The following DGKB variants were observed in gnomAD, a reference collection of about 807,000 sequenced individuals.
DGKB encodes the protein 90 kDa diacylglycerol kinase.
DGKB carries 67 observed loss-of-function variants against 114.3 expected under a neutral mutation model. The observed-to-expected ratio is 0.59, with a 90% CI of 0.48 to 0.72. The LOEUF (loss-of-function observed/expected upper bound fraction) is 0.72. Ranked by LOEUF, DGKB falls within the 30% of genes least tolerant of loss-of-function variation. The pLI is 0.00. For synonymous variants in DGKB, 398 were observed against 323.1 expected (o/e 1.23, Z -2.49); for missense variants, 907 against 975.2 (o/e 0.93, Z 0.93).
intron 16 of DGKB, among the ~76,000 whole-genome samples, chr7:14,611,009 C>T (rs1805453050): frequency 6.6e-6 from 1 of 152,062 alleles, no homozygotes; most frequent in African/African-American, 2.4e-5. Context: ...CTCATCTTTC[C>T]CCTCTTTTTC....
At chr7:14,619,195 GT>G (rs76407476) in intron 15 of DGKB, among the ~76,000 whole-genome samples, 1,530 of 150,780 alleles carry the variant, frequency 0.01, 87 homozygotes, top group Admixed American at 0.072. Flanking sequence ...TTTAACTGGT[GT>G]TTTTTTAGGG....
At chr7:14,795,032 G>A (rs796470055) in intron 2 of DGKB, among the ~76,000 whole-genome samples, 19 of 152,268 alleles carry the variant, frequency 1.2e-4, no homozygotes, top group African/African-American at 4.1e-4. Flanking sequence ...CTGCAGAACC[G>A]ACTCTTTGCT....
At chr7:14,927,116 C>T (rs938289741) in intron 1 of DGKB, among the ~76,000 whole-genome samples, 1 of 151,624 alleles carries the variant, frequency 6.6e-6, no homozygotes, top group Non-Finnish European at 1.5e-5. Flanking sequence ...CCATGTTTCT[C>T]GGAGTTTCTT....
intron 9 of DGKB, among the ~76,000 whole-genome samples, chr7:14,689,194 C>CTATTTTT (rs1563917251): frequency 7.6e-5 from 7 of 92,330 alleles, no homozygotes; most frequent in Non-Finnish European, 1.4e-4. Context: ...ACAGAAACTC[C>CTATTTTT]TCTTATTTTT....
chr7:14,470,412 A>G (rs1781106065), intron 21 of DGKB, among the ~76,000 whole-genome samples: 1 of 151,834 alleles, frequency 6.6e-6, no homozygotes, highest in Non-Finnish European at 1.5e-5. Context: ...ACAATAATGA[A>G]CTTGTCTTGA....
At chr7:14,624,985 G>A (rs1262416738) in intron 14 of DGKB, among the ~76,000 whole-genome samples, 4 of 151,898 alleles carry the variant, frequency 2.6e-5, no homozygotes, top group Middle Eastern at 3.2e-3. Context: ...GAGACAGAGT[G>A]AGACTCTGTC....
At chr7:14,314,569 G>A (rs1806105672) in intron 23 of DGKB, among the ~76,000 whole-genome samples, 1 of 151,986 alleles carries the variant, frequency 6.6e-6, no homozygotes, top group Admixed American at 6.6e-5. Context: ...AAGGGAGAAG[G>A]AAAGTTTAGA....
chr7:14,604,652 A>G (rs1453057229), intron 17 of DGKB, among the ~76,000 whole-genome samples: 4 of 152,158 alleles, frequency 2.6e-5, no homozygotes, highest in South Asian at 2.1e-4. Context: ...TATGAAACAG[A>G]GCAACTTCTA....
intron 9 of DGKB, among the ~76,000 whole-genome samples, chr7:14,692,869 G>C (rs542256876): frequency 6.6e-6 from 1 of 152,032 alleles, no homozygotes; most frequent in South Asian, 2.1e-4. Context: ...AAAACAAATA[G>C]TAATCTCTTG....
intron 21 of DGKB, among the ~76,000 whole-genome samples, chr7:14,361,305 A>T (rs1027509373): frequency 8.6e-5 from 13 of 152,040 alleles, no homozygotes; most frequent in Non-Finnish European, 1.6e-4. Context: ...TTACATACAC[A>T]TTAATTATCT....
intron 13 of DGKB, among the ~76,000 whole-genome samples, chr7:14,647,786 C>A (rs143995081): frequency 0.031 from 4,753 of 152,266 alleles, 263 homozygotes; most frequent in African/African-American, 0.11. Context: ...AGTGGTCGCG[C>A]GCACCATGCG....
intron 12 of DGKB, among the ~76,000 whole-genome samples, chr7:14,682,324 C>T (rs1820978647): frequency 6.6e-6 from 1 of 152,018 alleles, no homozygotes; most frequent in South Asian, 2.1e-4. Flanking sequence ...AAAACCATAC[C>T]ATGGTATCAT....
At chr7:14,822,869 T>C (rs2128105413) in intron 2 of DGKB, among the ~76,000 whole-genome samples, 1 of 152,236 alleles carries the variant, frequency 6.6e-6, no homozygotes, top group East Asian at 1.9e-4. Flanking sequence ...ATTATGACAA[T>C]CTATTTCTAC....
chr7:14,733,181 C>T (rs1037714228), intron 5 of DGKB, among the ~76,000 whole-genome samples: 11 of 151,940 alleles, frequency 7.2e-5, no homozygotes, highest in East Asian at 3.9e-4. Context: ...AAACTCATTC[C>T]GAGAAAAACA....
At chr7:14,202,143 GT>G (rs1386639457) in intron 23 of DGKB, among the ~76,000 whole-genome samples, 2 of 151,938 alleles carry the variant, frequency 1.3e-5, no homozygotes, top group African/African-American at 4.8e-5. Flanking sequence ...ATCTAGCTCT[GT>G]TTAGTTTCCC....
At position 14,587,859 on chromosome 7, in the gene DGKB, A is replaced by G. The variant is rs530373829; in HGVS notation, c.1434-4722T>C. Among the ~76,000 whole-genome samples the G allele has an allele frequency of 3.4e-4, 52 of 152,280 alleles. No individual in the cohort carries two copies. The South Asian group carries it at 0.01, about 30-fold the overall frequency. On this transcript the variant is annotated intron_variant, in intron 17 of 25. Coordinates refer to ENST00000402815, the MANE Select transcript of DGKB (RefSeq NM_001350709.2). ...AATGCTATTGCACATTTAATAGACA[A>G]CAGTATAAACATAACTTTTATATGT...
At chr7:14,439,671 C>T (rs1312094226) in intron 21 of DGKB, among the ~76,000 whole-genome samples, 2 of 151,682 alleles carry the variant, frequency 1.3e-5, no homozygotes, top group Non-Finnish European at 2.9e-5. Context: ...TGAGACCAGC[C>T]TTGCCAACAT....
intron 1 of DGKB, among the ~76,000 whole-genome samples, chr7:14,875,106 C>T (rs1017401995): frequency 2.6e-5 from 4 of 151,734 alleles, no homozygotes; most frequent in Non-Finnish European, 4.4e-5. Flanking sequence ...AGATGAATTC[C>T]CCTGAAAGCC....
At chr7:14,956,736 G>A (rs1786524926) in intron 1 of DGKB, among the ~76,000 whole-genome samples, 2 of 151,932 alleles carry the variant, frequency 1.3e-5, no homozygotes, top group Admixed American at 1.3e-4. Flanking sequence ...AGGAGAAGAA[G>A]ATAATATAAC....
Sources: gnomAD v4.1 joint callset for allele counts (sites outside exome capture counted in the v4.1 genomes callset) on GRCh38, gnomAD v4.1.1 for gene constraint, MANE v1.5 for transcripts, NCBI Gene and HGNC (gene_info 2026-07-23, HGNC 2026-07-21) for gene names.